PRKN: variants seen among roughly 807,000 people sequenced by gnomAD.
The protein encoded by PRKN is parkin RBR E3 ubiquitin protein ligase.
Under a neutral mutation model 59.5 loss-of-function variants are expected in PRKN, and 56 were observed. The observed-to-expected ratio is 0.94, with a 90% confidence interval of 0.76 to 1.18. PRKN has a LOEUF of 1.18. Among genes scored for constraint, PRKN ranks in the 50% most tolerant of loss-of-function variants. PRKN has a pLI of 0.00. For synonymous variants in PRKN, 250 were observed against 222.1 expected (o/e 1.13, Z -1.12); for missense variants, 657 against 596.4 (o/e 1.10, Z -1.06).
chr6:162,698,913 TC>T lies in PRKN; in HGVS notation c.7+28748del, dbSNP rs1406991749. 2.0e-5 allele frequency among the ~76,000 whole-genome samples: 3 copies of T among 152,332 alleles called. No individual in the cohort carries two copies. The East Asian group carries it at 5.8e-4, about 29-fold the overall frequency. Reference sequence around the variant, plus strand: ...TGGCTTCTTGATCAGAGAGTGATACTCAAAAAGCCAGACCCAACAATAGAGT... The same window carrying T: ...TGGCTTCTTGATCAGAGAGTGATACTAAAAAGCCAGACCCAACAATAGAGT... On this transcript the variant is annotated intron_variant, in intron 1 of 11. Coordinates refer to ENST00000366898, the MANE Select transcript of PRKN (RefSeq NM_004562.3).
chr6:162,135,639 T>A (rs189288192), intron 4 of PRKN, among the ~76,000 whole-genome samples: 1 of 152,212 alleles, frequency 6.6e-6, no homozygotes, highest in East Asian at 1.9e-4. Flanking sequence ...CTGACTCTTG[T>A]CTCCACGTCA....
intron 7 of PRKN, among the ~76,000 whole-genome samples, chr6:161,726,517 A>ATCCAAG (rs1787447305): frequency 6.6e-6 from 1 of 152,190 alleles, no homozygotes; most frequent in African/African-American, 2.4e-5. Flanking sequence ...TTGATCTTGA[A>ATCCAAG]TCCAAGAATG....
chr6:161,808,943 C>T (rs1791449806), intron 6 of PRKN, among the ~76,000 whole-genome samples: 1 of 152,148 alleles, frequency 6.6e-6, no homozygotes, highest in Admixed American at 6.5e-5. Context: ...TGAGCTCAAT[C>T]GATCCTCCCA....
intron 7 of PRKN, among the ~76,000 whole-genome samples, chr6:161,621,094 G>A (rs1366586767): frequency 6.6e-6 from 1 of 152,198 alleles, no homozygotes; most frequent in Non-Finnish European, 1.5e-5. Flanking sequence ...GCCTGGGTGA[G>A]GGTGCAGGGG....
intron 6 of PRKN, among the ~76,000 whole-genome samples, chr6:161,938,557 A>G (rs1467928829): frequency 6.6e-6 from 1 of 152,166 alleles, no homozygotes; most frequent in African/African-American, 2.4e-5. Flanking sequence ...TGAGTCCAAT[A>G]TTTTTTGTGA....
At chr6:161,425,638 T>C (rs1212583386) in intron 9 of PRKN, among the ~76,000 whole-genome samples, 2 of 152,130 alleles carry the variant, frequency 1.3e-5, no homozygotes, top group Non-Finnish European at 2.9e-5. Context: ...CAGTCAGACA[T>C]GATAAAGGTG....
chr6:162,659,600 A>C (rs1778803501), intron 1 of PRKN, among the ~76,000 whole-genome samples: 1 of 152,132 alleles, frequency 6.6e-6, no homozygotes, highest in Admixed American at 6.6e-5. Flanking sequence ...TTTTCAAAGC[A>C]ATTTTCCTTT....
intron 1 of PRKN, among the ~76,000 whole-genome samples, chr6:162,608,720 T>G (rs1782018947): frequency 6.6e-6 from 1 of 152,128 alleles, no homozygotes. Context: ...ACCTCAGATG[T>G]GAGCCAGGAT....
intron 1 of PRKN, among the ~76,000 whole-genome samples, chr6:162,449,537 C>T (rs181151328): frequency 1.5e-4 from 23 of 151,918 alleles, no homozygotes; most frequent in Admixed American, 7.9e-4. Context: ...TTTTATAGCT[C>T]GTTTTTTATT....
chr6:161,905,358 C>T (rs867076141), intron 6 of PRKN, among the ~76,000 whole-genome samples: 16 of 152,178 alleles, frequency 1.1e-4, no homozygotes, highest in Admixed American at 4.6e-4. Flanking sequence ...TCAGATCAAA[C>T]GAATAATTAT....
intron 1 of PRKN, among the ~76,000 whole-genome samples, chr6:162,468,635 T>C (rs1490545186): frequency 6.6e-6 from 1 of 152,226 alleles, no homozygotes; most frequent in Non-Finnish European, 1.5e-5. Flanking sequence ...AGTGGTTAGA[T>C]GAAGACAGCT....
chr6:161,492,583 T>C (rs1400462152), intron 9 of PRKN, among the ~76,000 whole-genome samples: 1 of 152,194 alleles, frequency 6.6e-6, no homozygotes, highest in Non-Finnish European at 1.5e-5. Flanking sequence ...AGACACCACA[T>C]ATTAGGAGGG....
rs578178755 is a variant in PRKN at position 162,406,460 on chromosome 6, G to A, written c.171+36850C>T. 2.0e-5 allele frequency among the ~76,000 whole-genome samples: 3 copies of A among 152,274 alleles called. 1 individual carries two copies. The South Asian group carries it at 6.2e-4, about 32-fold the overall frequency. ...AATATTATAAAGAATGCAGTACTTA[G>A]ATATAGACTCTCTATGCAGCATTTC... On this transcript the variant is annotated intron_variant, in intron 2 of 11. Coordinates refer to ENST00000366898, the MANE Select transcript of PRKN (RefSeq NM_004562.3).
chr6:162,258,837 C>T (rs999953639), intron 3 of PRKN, among the ~76,000 whole-genome samples: 4 of 152,334 alleles, frequency 2.6e-5, no homozygotes, highest in Admixed American at 6.5e-5. Flanking sequence ...GACATGCTTG[C>T]GTTCTTAGTA....
At chr6:162,276,265 T>C (rs1780634258) in intron 2 of PRKN, among the ~76,000 whole-genome samples, 1 of 152,200 alleles carries the variant, frequency 6.6e-6, no homozygotes, top group Non-Finnish European at 1.5e-5. Flanking sequence ...AATGAAATGA[T>C]TAGATGTCAC....
chr6:161,519,059 G>T (rs1031814852), intron 9 of PRKN, among the ~76,000 whole-genome samples: 2 of 152,204 alleles, frequency 1.3e-5, no homozygotes, highest in Admixed American at 6.5e-5. Context: ...AACACCCAGA[G>T]ACAATAAGCC....
intron 6 of PRKN, among the ~76,000 whole-genome samples, chr6:161,931,599 TG>T (rs1236445285): frequency 5.3e-5 from 8 of 152,162 alleles, no homozygotes; most frequent in African/African-American, 1.9e-4. Context: ...TGACACAAAA[TG>T]GGCTGAGGCA....
chr6:161,757,886 T>TATAC lies in PRKN; in HGVS notation c.871+27885_871+27886insGTAT, dbSNP rs1416363617. On this transcript the variant is annotated intron_variant, in intron 7 of 11. Coordinates refer to ENST00000366898, the MANE Select transcript of PRKN (RefSeq NM_004562.3). ...CTCTCTCTCTCTGTGTATATATATATACACACACACACACACACACACACA... is the reference window on the plus strand; with the variant it reads ...CTCTCTCTCTCTGTGTATATATATATATACACACACACACACACACACACACACA... Among the ~76,000 whole-genome samples, 411 of 116,166 alleles carry TATAC rather than the reference T, an allele frequency of 3.5e-3. 3 individuals carry two copies. The highest frequency in any genetic ancestry group is 0.013 in the African/African-American group (365 of 27,602). 76.2% of individuals were successfully genotyped at this position (116,166 alleles called of 152,430 possible). A position where few individuals can be genotyped will look rare whatever the true frequency, so the allele number is the denominator to read the frequency against.
chr6:161,386,161 C>A lies in PRKN; in HGVS notation c.1167+633G>T, dbSNP rs919048760. On this transcript the variant is annotated intron_variant, in intron 10 of 11. Coordinates refer to ENST00000366898, the MANE Select transcript of PRKN (RefSeq NM_004562.3). The surrounding 1 kb of genome is among the most constrained non-coding windows in gnomAD (Gnocchi z 4.3). ...TCTACATTGGGAGAAAAATAATGAG[C>A]AAATTCATCTACTGTGATGACGTTT... 2.6e-4 allele frequency among the ~76,000 whole-genome samples: 40 copies of A among 152,158 alleles called. No homozygotes were observed. The highest frequency in any genetic ancestry group is 8.9e-4 in the African/African-American group (37 of 41,438).
Sources: gnomAD v4.1 joint callset for allele counts (sites outside exome capture counted in the v4.1 genomes callset) on GRCh38, gnomAD v4.1.1 for gene constraint, Gnocchi (gnomAD v3.1) non-coding constraint, MANE v1.5 for transcripts, NCBI Gene and HGNC (gene_info 2026-07-23, HGNC 2026-07-21) for gene names.